The following LMO2 variants were observed in gnomAD, a reference collection of about 807,000 sequenced individuals.
The protein encoded by LMO2 is LIM domain only 2.
LMO2 carries 20 observed loss-of-function variants against 23.2 expected under a neutral mutation model. The observed-to-expected ratio is 0.86, with a 90% CI of 0.61 to 1.25. The LOEUF (loss-of-function observed/expected upper bound fraction) is 1.25, where lower values mean the gene tolerates loss of function less well. Ranked by LOEUF, LMO2 falls within the 50% of genes most tolerant of loss-of-function variation. The pLI is 0.00. For synonymous variants in LMO2, 123 were observed against 130.2 expected (o/e 0.94, Z 0.38); for missense variants, 270 against 315.3 (o/e 0.86, Z 1.09).
Position 33,869,441 on chromosome 11 carries a change from C to G in LMO2, c.153G>C (p.Gln51His). ...PEGVRAPAAG[Q>H]PRATKGAPPP... ...GGGGCGCTCCCTTTGTGGCGCGGGGCTGGCCGGCTGCCGGGGCTCGGACCC... is the reference window on the plus strand; with the variant it reads ...GGGGCGCTCCCTTTGTGGCGCGGGGGTGGCCGGCTGCCGGGGCTCGGACCC... The change falls in exon 4 of 6, where the codon CAG (glutamine) becomes CAC (histidine). Residue 51 changes from glutamine to histidine, a missense_variant. Physicochemically the swap from Gln to His is conservative, Grantham distance 24. Transcript: ENST00000257818. The G allele has an allele frequency of 8.3e-7, 1 of 1,198,800 alleles. No individual in the cohort carries two copies. The highest frequency in any genetic ancestry group is 1.0e-6 in the Non-Finnish European group (1 of 961,750). 74.3% of individuals were successfully genotyped at this position (1,198,800 alleles called of 1,614,324 possible).
intron 1 of LMO2, among the ~76,000 whole-genome samples, chr11:33,882,197 G>A (rs1857300176): frequency 6.6e-6 from 1 of 152,120 alleles, no homozygotes; most frequent in Non-Finnish European, 1.5e-5. Context: ...CCCAGCTTGT[G>A]AATGTGAAGG....
At chr11:33,863,732 C>G (rs547173268) in intron 5 of LMO2, among the ~76,000 whole-genome samples, 3 of 152,348 alleles carry the variant, frequency 2.0e-5, no homozygotes, top group Non-Finnish European at 4.4e-5. Context: ...AATAGGATGG[C>G]CCAGAGCATG....
At chr11:33,867,263 T>G (rs1398955066) in intron 4 of LMO2, among the ~76,000 whole-genome samples, 2 of 152,006 alleles carry the variant, frequency 1.3e-5, no homozygotes, top group Non-Finnish European at 2.9e-5. Context: ...AATTTGGAGA[T>G]GCTGATTGTA....
chr11:33,865,053 A>T lies in LMO2; in HGVS notation c.249-236T>A, dbSNP rs985955554. On this transcript the variant is annotated intron_variant, in intron 4 of 5. Transcript: ENST00000257818. ...GATGTCTAAGAAGTAAACACAGGGC[A>T]CCAAGAGGCATCAAAGGCAATTGCA... The T allele has an allele frequency of 7.0e-6, 4 of 574,646 alleles. No homozygotes were observed. In the African/African-American group the frequency reaches 7.5e-5, roughly 11 times the overall value. The allele number at this position is 574,646 out of a possible 1,614,324, so 35.6% of individuals were successfully genotyped here.
intron 2 of LMO2, chr11:33,871,091 T>C (rs781776025): frequency 4.1e-6 from 4 of 983,118 alleles, no homozygotes; most frequent in Non-Finnish European, 4.8e-6. Flanking sequence ...TAGGCATACA[T>C]TTCTGTTCCC....
In LMO2 at chr11:33,869,895, G is replaced by C; in HGVS notation, c.-179C>G. 9.5e-7 allele frequency: 1 copy of C among 1,050,744 alleles called. No homozygotes were observed. The highest frequency in any genetic ancestry group is 1.1e-6 in the Non-Finnish European group (1 of 871,924). The allele number at this position is 1,050,744 out of a possible 1,614,324, so 65.1% of individuals were successfully genotyped here. On this transcript the variant is annotated 5_prime_UTR_variant, in exon 3 of 6. Transcript: ENST00000257818. The stretch of plus-strand genomic sequence containing the variant: ...GGGGGCGGCGGCCTAGGGGCGGGGA[G>C]GGGACCGTGCGTCTCTCTCCGGGCT...
rs754065722 is a variant in LMO2 at position 33,864,884 on chromosome 11, C to T, written c.249-67G>A. On this transcript the variant is annotated intron_variant, in intron 4 of 5. Coordinates refer to ENST00000257818, the MANE Select transcript of LMO2 (RefSeq NM_005574.4). This position sits in a 1 kb window ranked among gnomAD's most constrained non-coding sequence, Gnocchi z 4.8. Reference sequence around the variant, plus strand: ...GAGACCAGCACCGAGGGTCCGAGATCGTTTTGGGCCAGACAGGGCATCTCA... The same window carrying T: ...GAGACCAGCACCGAGGGTCCGAGATTGTTTTGGGCCAGACAGGGCATCTCA... The T allele has an allele frequency of 3.9e-5, 57 of 1,454,392 alleles. No individual in the cohort carries two copies. Among genetic ancestry groups the T allele is most frequent in the African/African-American group, 1.3e-4 (9 of 71,916 alleles). The allele number at this position is 1,454,392 out of a possible 1,614,324, so 90.1% of individuals were successfully genotyped here.
chr11:33,869,496 C>T lies in LMO2; in HGVS notation c.98G>A (p.Gly33Asp), dbSNP rs1856927171. ...GGGTGCTCGGGCGCCGCCGCCGCCG[C>T]CGCCGTCGCCGCCGCTCCTGCGCCT... Reference protein sequence around the residue: ...KRRRRSGGDGGGGGGARAPEG... With the variant: ...KRRRRSGGDGDGGGGARAPEG... The change falls in exon 4 of 6, where the codon GGC becomes GAC. Residue 33 changes from glycine (G) to aspartate (D), a missense_variant. By Grantham distance (94) the Gly-to-Asp change is moderately conservative (BLOSUM62 -1). This residue lies in a region of LMO2 where 170 missense variants were observed against 162.0 expected (regional missense o/e 1.05). Transcript: ENST00000257818. The T allele has an allele frequency of 2.5e-6, 3 of 1,202,402 alleles. No individual in the cohort carries two copies. The highest frequency in any genetic ancestry group is 1.6e-5 in the African/African-American group (1 of 61,468). 74.5% of individuals were successfully genotyped at this position (1,202,402 alleles called of 1,614,324 possible). A position where few individuals can be genotyped will look rare whatever the true frequency, so the allele number is the denominator to read the frequency against.
At chr11:33,866,925 C>T (rs565130246) in intron 4 of LMO2, among the ~76,000 whole-genome samples, 55 of 152,264 alleles carry the variant, frequency 3.6e-4, no homozygotes, top group African/African-American at 8.4e-4. Context: ...ATAACTAATA[C>T]CCTAGCTTTT....
At chr11:33,871,058 T>G in intron 2 of LMO2, 1 of 984,612 alleles carries the variant, frequency 1.0e-6, no homozygotes, top group Non-Finnish European at 1.2e-6. Flanking sequence ...GGATCCATGG[T>G]TTTATATGAT....
intron 1 of LMO2, among the ~76,000 whole-genome samples, chr11:33,888,080 G>A (rs994041574): frequency 6.6e-6 from 1 of 152,236 alleles, no homozygotes; most frequent in African/African-American, 2.4e-5. Flanking sequence ...AGGCACTCAC[G>A]TGACTGGCCA....
Position 33,880,239 on chromosome 11 carries a change from C to T in LMO2, c.-272+1585G>A, listed in dbSNP as rs569329567. Among the ~76,000 whole-genome samples, 2 of 139,012 alleles carry T rather than the reference C, an allele frequency of 1.4e-5. No individual in the cohort carries two copies. Among genetic ancestry groups the T allele is most frequent in the African/African-American group, 5.3e-5 (2 of 37,616 alleles). 91.2% of individuals were successfully genotyped at this position (139,012 alleles called of 152,430 possible). On this transcript the variant is annotated intron_variant, in intron 2 of 5. Coordinates refer to ENST00000257818, the MANE Select transcript of LMO2 (RefSeq NM_005574.4). The surrounding 1 kb of genome is among the most constrained non-coding windows in gnomAD (Gnocchi z 4.3). Reference sequence around the variant, plus strand: ...TCATATATACACATGATATATATATCATATATACACATGATATATATATCA... The same window carrying T: ...TCATATATACACATGATATATATATTATATATACACATGATATATATATCA...
At chr11:33,859,983 G>A (rs765225678) in intron 5 of LMO2, among the ~76,000 whole-genome samples, 1 of 152,162 alleles carries the variant, frequency 6.6e-6, no homozygotes, top group Non-Finnish European at 1.5e-5. Flanking sequence ...GGGCCCCTTT[G>A]AGAGGGTACT....
chr11:33,861,054 G>A (rs1040637979), intron 5 of LMO2, among the ~76,000 whole-genome samples: 36 of 152,302 alleles, frequency 2.4e-4, no homozygotes, highest in East Asian at 7.7e-4. Flanking sequence ...AGCCATCATA[G>A]GCTCCACCTC....
chr11:33,865,364 A>T (rs1047474433), intron 4 of LMO2, among the ~76,000 whole-genome samples: 1 of 152,254 alleles, frequency 6.6e-6, no homozygotes, highest in African/African-American at 2.4e-5. Context: ...AGAGGTGAGG[A>T]AGAAAGAAGA....
At position 33,861,428 on chromosome 11, in the gene LMO2, T is replaced by C. The variant is rs76614799; in HGVS notation, c.465-1853A>G. 7.9e-3 allele frequency among the ~76,000 whole-genome samples: 1,203 copies of C among 152,294 alleles called. 21 individuals carry two copies. The highest frequency in any genetic ancestry group is 0.027 in the African/African-American group (1,104 of 41,546). On this transcript the variant is annotated intron_variant, in intron 5 of 5. Transcript: ENST00000257818. ...AAGAGGTGGTCTGTGAGTGGAGAGC[T>C]CATTGTTCGGGCCAGGGCCAGCTAA...
intron 2 of LMO2, among the ~76,000 whole-genome samples, chr11:33,879,787 CA>C (rs1013021443): frequency 2.7e-4 from 41 of 152,210 alleles, no homozygotes; most frequent in African/African-American, 9.6e-4. Flanking sequence ...AGATGCAAAT[CA>C]AAACTACAAT....
chr11:33,859,063 G>A lies in LMO2; in HGVS notation c.*293C>T, dbSNP rs1318177734. 4 of 419,790 alleles carry A rather than the reference G, an allele frequency of 9.5e-6. No homozygotes were observed. The highest frequency in any genetic ancestry group is 1.3e-5 in the Non-Finnish European group (3 of 227,638). 26.0% of individuals were successfully genotyped at this position (419,790 alleles called of 1,614,324 possible). On this transcript the variant is annotated 3_prime_UTR_variant, in exon 6 of 6. Coordinates refer to ENST00000257818, the MANE Select transcript of LMO2 (RefSeq NM_005574.4). ...TATGAAATTCCATCATGATAGCACA[G>A]CGCCTGCTTGCCCCTAAATGTTCCT...
chr11:33,889,231 G>T (rs541055005), intron 1 of LMO2, among the ~76,000 whole-genome samples: 2 of 152,206 alleles, frequency 1.3e-5, no homozygotes, highest in Non-Finnish European at 2.9e-5. Context: ...TGGGCACCAA[G>T]AATTTAAAAA....
Sources: gnomAD v4.1 joint callset for allele counts (sites outside exome capture counted in the v4.1 genomes callset) on GRCh38, gnomAD v4.1.1 for gene constraint, gnomAD v4.1.1 regional missense constraint, Gnocchi (gnomAD v3.1) non-coding constraint, MANE v1.5 for transcripts, NCBI Gene and HGNC (gene_info 2026-07-23, HGNC 2026-07-21) for gene names.